The following STX1B variants were observed in gnomAD, a reference collection of about 807,000 sequenced individuals.
The protein encoded by STX1B is syntaxin-1B.
In STX1B, 7 loss-of-function variants were observed where a neutral mutation model predicts 39.4. The ratio of observed to expected loss-of-function variants is 0.18; its 90% CI spans 0.10 to 0.33. The LOEUF is 0.33. Among genes scored for constraint, STX1B ranks in the 10% least tolerant of loss-of-function variants. STX1B has a pLI of 1.00. For missense variants in STX1B, 198 were observed against 383.2 expected, an observed-to-expected ratio of 0.52 and a Z score of 4.04; for synonymous variants, 136 against 144.1, an observed-to-expected ratio of 0.94 and a Z score of 0.40.
chr16:30,993,225 G>A lies in STX1B; in HGVS notation c.691C>T (p.Arg231Cys), dbSNP rs760876430. 43 of 1,614,184 alleles carry A rather than the reference G, an allele frequency of 2.7e-5. No individual in the cohort carries two copies. Among genetic ancestry groups the A allele is most frequent in the Non-Finnish European group, 3.6e-5 (42 of 1,180,024 alleles). ...LVESQGEMID[R>C]IEYNVEHSVD... ...GAATGTTCCACGTTGTACTCGATGC[G>A]GTCAATCATCTCTCCCTGCAGACAG... The change falls in exon 9 of 10, where the codon CGC (arginine) becomes TGC (cysteine). Residue 231 changes from arginine to cysteine, a missense_variant. Coordinates refer to ENST00000215095, the MANE Select transcript of STX1B (RefSeq NM_052874.5).
intron 1 of STX1B, among the ~76,000 whole-genome samples, chr16:31,006,386 T>C (rs2056655349): frequency 6.6e-6 from 1 of 152,126 alleles, no homozygotes; most frequent in Non-Finnish European, 1.5e-5. Context: ...CTCTGCTTCA[T>C]GGAGTCATTC....
At chr16:30,997,251 C>A (rs2056599326) in intron 5 of STX1B, among the ~76,000 whole-genome samples, 192 bp from the exon 6 acceptor site, 1 of 152,204 alleles carries the variant, frequency 6.6e-6, no homozygotes, top group African/African-American at 2.4e-5. Flanking sequence ...TGGTTCCCTA[C>A]CCGCCCGGCA....
chr16:30,996,004 C>A (rs1236491015), intron 7 of STX1B, among the ~76,000 whole-genome samples: 1 of 151,858 alleles, frequency 6.6e-6, no homozygotes, highest in East Asian at 1.9e-4. Flanking sequence ...GAGGAAGACC[C>A]CCCATCTCTA....
intron 1 of STX1B, among the ~76,000 whole-genome samples, chr16:31,009,975 A>G (rs1355343024): frequency 2.6e-5 from 4 of 151,992 alleles, no homozygotes; most frequent in Non-Finnish European, 5.9e-5. Flanking sequence ...GGGTCCTGCT[A>G]GACTCTCAGC....
intron 1 of STX1B, 62 bp downstream of exon 1, chr16:31,010,305 T>G: frequency 1.6e-5 from 6 of 386,226 alleles, no homozygotes; most frequent in African/African-American, 2.3e-5. Context: ...CCCCACTCCA[T>G]CCCCACGCGC....
At chr16:30,996,594 G>A (rs1439407072) in intron 7 of STX1B, 89 bp downstream of exon 7, 1 of 1,197,088 alleles carries the variant, frequency 8.4e-7, no homozygotes, top group South Asian at 1.3e-5. Flanking sequence ...CATTTTTCCA[G>A]GGTGGACTTA....
rs4889605 is a variant in STX1B, at chr16:30,989,774, T to A, written c.*3047A>T. On this transcript the variant is annotated 3_prime_UTR_variant, in exon 10 of 10. Transcript: ENST00000215095. The stretch of plus-strand genomic sequence containing the variant: ...ACGCTCAGGGCGTGGCAAGAGCGTG[T>A]GTCGACCCACGGGTACATGGGATGG... 1 of 152,312 alleles carries A rather than the reference T, an allele frequency of 6.6e-6. No homozygotes were observed. The allele number at this position is 152,312 out of a possible 1,614,324, so 9.4% of individuals were successfully genotyped here.
chr16:30,993,986 CAA>C (rs965896871), intron 7 of STX1B, among the ~76,000 whole-genome samples: 5 of 120,882 alleles, frequency 4.1e-5, no homozygotes, highest in Admixed American at 8.4e-5. Context: ...AATTCCATCT[CAA>C]AAAAAAAAAA....
chr16:31,001,311 G>A lies in STX1B; in HGVS notation c.106-118C>T, dbSNP rs2056627284. On this transcript the variant is annotated intron_variant, in intron 2 of 9. Coordinates refer to ENST00000215095, the MANE Select transcript of STX1B (RefSeq NM_052874.5). The surrounding 1 kb of genome is among the most constrained non-coding windows in gnomAD (Gnocchi z 5.5). ...CCCAGAACGGCTGATAAAAGGCCAG[G>A]GAGGGTGCAGGAGCAGGGAAGTGGG... 2.0e-6 allele frequency: 2 copies of A among 999,246 alleles called. No individual in the cohort carries two copies. The highest frequency in any genetic ancestry group is 3.1e-6 in the Non-Finnish European group (2 of 655,210). 61.9% of individuals were successfully genotyped at this position (999,246 alleles called of 1,614,324 possible).
At chr16:30,998,465 G>A (rs72800840) in intron 4 of STX1B, among the ~76,000 whole-genome samples, 1,879 of 152,342 alleles carry the variant, frequency 0.012, 18 homozygotes, top group Non-Finnish European at 0.018. Context: ...TATTGGAATC[G>A]GCTGGCCCAG....
chr16:31,001,268 T>G lies in STX1B; in HGVS notation c.106-75A>C. The G allele has an allele frequency of 7.6e-6, 11 of 1,438,328 alleles. No homozygotes were observed. The highest frequency in any genetic ancestry group is 2.8e-5 in the African/African-American group (2 of 71,806). The allele number at this position is 1,438,328 out of a possible 1,614,324, so 89.1% of individuals were successfully genotyped here. ...GGGTTCCAGGGGAACCAGCCAGGGT[T>G]CAGGGGAATGGACCAGCCCCAGAAC... is the stretch of plus-strand genomic sequence containing the variant. On this transcript the variant is annotated intron_variant, in intron 2 of 9. Transcript: ENST00000215095. The surrounding 1 kb of genome is among the most constrained non-coding windows in gnomAD (Gnocchi z 5.5).
At chr16:30,997,388 C>T in intron 5 of STX1B, 114 bp downstream of exon 5, 1 of 940,972 alleles carries the variant, frequency 1.1e-6, no homozygotes, top group Non-Finnish European at 1.6e-6. Context: ...AGCCCCGCCC[C>T]AGCCCTCCCT....
chr16:31,005,329 T>C (rs981460946), intron 1 of STX1B, among the ~76,000 whole-genome samples: 1 of 152,178 alleles, frequency 6.6e-6, no homozygotes, highest in Non-Finnish European at 1.5e-5. Context: ...CCCAGTCTAC[T>C]TTATGGTGGC....
intron 7 of STX1B, among the ~76,000 whole-genome samples, chr16:30,995,222 T>A (rs1430203622): frequency 6.6e-6 from 1 of 152,082 alleles, no homozygotes; most frequent in Non-Finnish European, 1.5e-5. Flanking sequence ...AAGCCCTCCA[T>A]CCTCCTTGGC....
At chr16:31,007,681 A>T (rs1041214494) in intron 1 of STX1B, among the ~76,000 whole-genome samples, 1 of 152,052 alleles carries the variant, frequency 6.6e-6, no homozygotes, top group Non-Finnish European at 1.5e-5. Context: ...CTGGCCCTCA[A>T]TGTACTCCAA....
Position 31,010,495 on chromosome 16 carries a change from G to C in STX1B, c.-99C>G. ...GGAGGCCGGGGTCTGGGGGCGCCGG[G>C]GGGCGCCGCGGCCGCTGCGGGGGGC... On this transcript the variant is annotated 5_prime_UTR_variant, in exon 1 of 10. Transcript: ENST00000215095. 1.1e-6 allele frequency: 1 copy of C among 908,812 alleles called. No homozygotes were observed. The highest frequency in any genetic ancestry group is 1.4e-6 in the Non-Finnish European group (1 of 700,822). The allele number at this position is 908,812 out of a possible 1,614,324, so 56.3% of individuals were successfully genotyped here.
chr16:30,992,571 G>A lies in STX1B; in HGVS notation c.*250C>T, dbSNP rs536619256. The A allele has an allele frequency of 1.9e-5, 9 of 476,044 alleles. No homozygotes were observed. The highest frequency in any genetic ancestry group is 4.0e-5 in the African/African-American group (2 of 50,592). 29.5% of individuals were successfully genotyped at this position (476,044 alleles called of 1,614,324 possible). On this transcript the variant is annotated 3_prime_UTR_variant, in exon 10 of 10. Coordinates refer to ENST00000215095, the MANE Select transcript of STX1B (RefSeq NM_052874.5). ...GCACGCTGGGGTGTCCACACGTCTCGAGCATGTGCCGGCGGCATGCATGTT... is the reference window on the plus strand; with the variant it reads ...GCACGCTGGGGTGTCCACACGTCTCAAGCATGTGCCGGCGGCATGCATGTT...
chr16:31,010,402 G>A lies in STX1B; in HGVS notation c.-6C>T. ...TCTTGAGTCCGATCCTTCATCCTGC[G>A]ACGGCTCCTCCTCCTCCTCCTAGTC... On this transcript the variant is annotated 5_prime_UTR_variant, in exon 1 of 10. Coordinates refer to ENST00000215095, the MANE Select transcript of STX1B (RefSeq NM_052874.5). 6.0e-6 allele frequency: 9 copies of A among 1,497,382 alleles called. No homozygotes were observed. Among genetic ancestry groups the A allele is most frequent in the South Asian group, 1.4e-5 (1 of 73,870 alleles). 92.8% of individuals were successfully genotyped at this position (1,497,382 alleles called of 1,614,324 possible). A position where few individuals can be genotyped will look rare whatever the true frequency, so the allele number is the denominator to read the frequency against.
intron 1 of STX1B, among the ~76,000 whole-genome samples, chr16:31,005,859 AAGCCTCC>A (rs1444244535): frequency 1.3e-5 from 2 of 152,122 alleles, no homozygotes; most frequent in Non-Finnish European, 2.9e-5. Flanking sequence ...CATCAGATCC[AAGCCTCC>A]AGCTGCAGCC....
Sources: allele counts gnomAD v4.1 joint callset (sites outside exome capture counted in the v4.1 genomes callset), GRCh38; gene constraint gnomAD v4.1.1; non-coding constraint Gnocchi (gnomAD v3.1); transcripts MANE v1.5; gene names NCBI Gene and HGNC (gene_info 2026-07-23, HGNC 2026-07-21).